Variants in ATP11A observed in about 807,000 individuals in gnomAD.
ATP11A encodes ATPase phospholipid transporting 11A, also known as phospholipid-transporting ATPase IH.
A neutral mutation model predicts 154.4 loss-of-function variants in ATP11A; 81 were observed. The observed-to-expected ratio is 0.52, with a 90% CI of 0.44 to 0.63. ATP11A has a LOEUF of 0.63. Among genes scored for constraint, ATP11A ranks in the 30% least tolerant of loss-of-function variants. The pLI is 0.00. For synonymous variants in ATP11A, 623 were observed against 585.9 expected (o/e 1.06, Z -0.91); for missense variants, 1,316 against 1,474.3 (o/e 0.89, Z 1.76).
At chr13:112,803,178 T>C (rs1340541647) in intron 2 of ATP11A, among the ~76,000 whole-genome samples, 1 of 152,234 alleles carries the variant, frequency 6.6e-6, no homozygotes, top group African/African-American at 2.4e-5. Context: ...TTATATACTC[T>C]CTAAGCCACT....
chr13:112,805,732 T>A (rs1594757127), intron 3 of ATP11A, among the ~76,000 whole-genome samples: 2 of 140,054 alleles, frequency 1.4e-5, no homozygotes. Flanking sequence ...ACAGTACACA[T>A]GAAAAGAGAG....
At chr13:112,879,959 G>A (rs919641358) in intron 29 of ATP11A, among the ~76,000 whole-genome samples, 2 of 152,234 alleles carry the variant, frequency 1.3e-5, no homozygotes, top group African/African-American at 4.8e-5. Context: ...CTGTCCCCAG[G>A]AAGGGTGGCA....
At position 112,753,435 on chromosome 13, in the gene ATP11A, C is replaced by A. The variant is rs908917235; in HGVS notation, c.40-31700C>A. 6.6e-6 allele frequency among the ~76,000 whole-genome samples: 1 copy of A among 152,232 alleles called. No individual in the cohort carries two copies. The highest frequency in any genetic ancestry group is 1.5e-5 in the Non-Finnish European group (1 of 68,046). The stretch of plus-strand genomic sequence containing the variant: ...GCCGTAGGAGGATGCCTGTTCTCCA[C>A]CTACCTCGCCAGCAGCCTGCGCTGC... On this transcript the variant is annotated intron_variant, in intron 1 of 29. Transcript: ENST00000375645. The surrounding 1 kb of genome is among the most constrained non-coding windows in gnomAD (Gnocchi z 4.1).
chr13:112,868,360 C>T (rs1289054781), intron 25 of ATP11A, among the ~76,000 whole-genome samples: 1 of 152,160 alleles, frequency 6.6e-6, no homozygotes, highest in Non-Finnish European at 1.5e-5. Context: ...TTAAATGGGT[C>T]TGGTCTGAGG....
At position 112,886,674 on chromosome 13, in the gene ATP11A, A is replaced by G. The variant is rs2080985558; in HGVS notation, c.*4808A>G. On this transcript the variant is annotated 3_prime_UTR_variant, in exon 30 of 30. Transcript: ENST00000375645. ...CTTTTGCAGAAAAATCTAAAGATCA[A>G]TTTATATAGCTTTATTTTTTACTTT... The G allele has an allele frequency of 6.6e-6, 1 of 152,590 alleles. No individual in the cohort carries two copies. The highest frequency in any genetic ancestry group is 1.5e-5 in the Non-Finnish European group (1 of 68,040). The allele number at this position is 152,590 out of a possible 1,614,324, so 9.5% of individuals were successfully genotyped here.
chr13:112,766,025 CG>C (rs1017732657), intron 1 of ATP11A, among the ~76,000 whole-genome samples: 8 of 152,134 alleles, frequency 5.3e-5, no homozygotes, highest in Non-Finnish European at 8.8e-5. Flanking sequence ...CGGTCGGGGG[CG>C]GATCCCCCTG....
chr13:112,755,702 C>G (rs905713087), intron 1 of ATP11A, among the ~76,000 whole-genome samples: 128 of 121,242 alleles, frequency 1.1e-3, no homozygotes, highest in African/African-American at 3.6e-3. Flanking sequence ...GGTCACGGAA[C>G]CATCACTCAG....
chr13:112,707,141 C>T (rs1335350909), intron 1 of ATP11A, among the ~76,000 whole-genome samples: 3 of 152,112 alleles, frequency 2.0e-5, no homozygotes, highest in African/African-American at 4.8e-5. Flanking sequence ...ACAGGCTGGG[C>T]GTGGTGGCTC....
intron 1 of ATP11A, among the ~76,000 whole-genome samples, chr13:112,705,408 C>T (rs945935466): frequency 7.3e-6 from 1 of 136,468 alleles, no homozygotes; most frequent in African/African-American, 3.8e-5. Context: ...TCATCCCGCA[C>T]GCACTGAGCA....
chr13:112,789,474 T>C (rs778596036), intron 2 of ATP11A, among the ~76,000 whole-genome samples: 1 of 147,788 alleles, frequency 6.8e-6, no homozygotes, highest in Non-Finnish European at 1.5e-5. Context: ...GGAGACCTAC[T>C]TAATTCACAC....
At chr13:112,867,599 C>T (rs919060097) in intron 25 of ATP11A, among the ~76,000 whole-genome samples, 17 of 152,242 alleles carry the variant, frequency 1.1e-4, no homozygotes, top group Admixed American at 7.9e-4. Context: ...CAGTCAGCTG[C>T]ACCTGGTGGT....
intron 8 of ATP11A, among the ~76,000 whole-genome samples, chr13:112,821,387 C>G (rs2078793501): frequency 6.6e-6 from 1 of 152,206 alleles, no homozygotes; most frequent in Non-Finnish European, 1.5e-5. Flanking sequence ...TATCTCAGCT[C>G]ACTGCAGCCT....
intron 16 of ATP11A, among the ~76,000 whole-genome samples, chr13:112,841,552 C>A (rs1397997578): frequency 2.7e-5 from 4 of 150,428 alleles, no homozygotes; most frequent in Non-Finnish European, 4.4e-5. Context: ...GCAGAGGGGG[C>A]TCTGTGTGTC....
chr13:112,870,647 G>A (rs1193013109), intron 25 of ATP11A, among the ~76,000 whole-genome samples: 3 of 152,190 alleles, frequency 2.0e-5, no homozygotes, highest in Non-Finnish European at 4.4e-5. Flanking sequence ...AAAGCGCTGG[G>A]ATTACAGGCA....
At chr13:112,771,337 G>C (rs184834255) in intron 1 of ATP11A, among the ~76,000 whole-genome samples, 1 of 152,308 alleles carries the variant, frequency 6.6e-6, no homozygotes, top group Non-Finnish European at 1.5e-5. Context: ...GCCAGGCAGA[G>C]ACACCTTGGA....
intron 1 of ATP11A, among the ~76,000 whole-genome samples, chr13:112,737,046 CAGT>C (rs1891066146): frequency 6.6e-6 from 1 of 151,782 alleles, no homozygotes; most frequent in African/African-American, 2.4e-5. Flanking sequence ...TGTCTATCAA[CAGT>C]AGAAAAAAAC....
chr13:112,860,430 C>G lies in ATP11A; in HGVS notation c.2855+16C>G. 6.2e-7 allele frequency: 1 copy of G among 1,613,956 alleles called. No homozygotes were observed. The highest frequency in any genetic ancestry group is 8.5e-7 in the Non-Finnish European group (1 of 1,179,878). Reference sequence around the variant, plus strand: ...CCCTGTACAGGTACCATCCTCCAAACAGCCTCTCCTGAGAGCAGAGAGAGT... The same window carrying G: ...CCCTGTACAGGTACCATCCTCCAAAGAGCCTCTCCTGAGAGCAGAGAGAGT... On this transcript the variant is annotated intron_variant, in intron 24 of 29. Transcript: ENST00000375645.
chr13:112,730,766 A>G (rs1273271555), intron 1 of ATP11A, among the ~76,000 whole-genome samples: 2 of 152,208 alleles, frequency 1.3e-5, no homozygotes, highest in Non-Finnish European at 2.9e-5. Flanking sequence ...GGGAAAGGGT[A>G]GAAAACTGCC....
At chr13:112,767,940 T>C (rs1374868440) in intron 1 of ATP11A, among the ~76,000 whole-genome samples, 1 of 152,104 alleles carries the variant, frequency 6.6e-6, no homozygotes, top group Non-Finnish European at 1.5e-5. Context: ...CCCCTCCGGC[T>C]CCTCACTTCC....
Sources: allele counts gnomAD v4.1 joint callset (sites outside exome capture counted in the v4.1 genomes callset), GRCh38; gene constraint gnomAD v4.1.1; non-coding constraint Gnocchi (gnomAD v3.1); transcripts MANE v1.5; gene names NCBI Gene and HGNC (gene_info 2026-07-23, HGNC 2026-07-21).